BSDC1: variants seen among roughly 807,000 people sequenced by gnomAD.
The protein encoded by BSDC1 is BSD domain containing 1, also known as BSD domain-containing protein 1.
BSDC1 carries 29 observed loss-of-function variants against 56.0 expected under a neutral mutation model. The observed-to-expected ratio is 0.52, with a 90% CI of 0.39 to 0.71. BSDC1 has a LOEUF of 0.71. Among genes scored for constraint, BSDC1 ranks in the 30% least tolerant of loss-of-function variants. The pLI, the probability that BSDC1 is intolerant of heterozygous loss-of-function variation, is 0.00. For synonymous variants in BSDC1, 210 were observed against 215.3 expected (o/e 0.98, Z 0.21); for missense variants, 477 against 548.5 (o/e 0.87, Z 1.30).
Position 32,378,758 on chromosome 1 carries a change from C to T in BSDC1, c.494G>A (p.Gly165Asp), listed in dbSNP as rs573589954. 6.5e-6 allele frequency: 10 copies of T among 1,543,058 alleles called. No individual in the cohort carries two copies. The South Asian group carries it at 8.5e-5, about 13-fold the overall frequency. The change falls in exon 6 of 11, where the codon GGC becomes GAC. Residue 165 changes from glycine (G) to aspartate (D), a missense_variant. By Grantham distance (94) the Gly-to-Asp change is moderately conservative. Transcript: ENST00000455895. The surrounding 1 kb of genome is among the most constrained non-coding windows in gnomAD (Gnocchi z 5.2). ...GTAGAGGGCCCGGATGGAGGGGCTG[C>T]CTACAAGGAGCTCTGAGATCTCCCC... ...KKGEISELLV[G>D]SPSIRALYTK...
chr1:32,389,797 C>T (rs1642802946), intron 2 of BSDC1, among the ~76,000 whole-genome samples: 1 of 151,738 alleles, frequency 6.6e-6, no homozygotes, highest in African/African-American at 2.4e-5. Flanking sequence ...CACACACACA[C>T]ACACACACAC....
At position 32,366,522 on chromosome 1, in the gene BSDC1, G is replaced by A. The variant is rs1480221810; in HGVS notation, c.*100C>T. 4.3e-6 allele frequency: 5 copies of A among 1,166,090 alleles called. No individual in the cohort carries two copies. The highest frequency in any genetic ancestry group is 6.3e-6 in the Non-Finnish European group (5 of 794,954). 72.2% of individuals were successfully genotyped at this position (1,166,090 alleles called of 1,614,324 possible). On this transcript the variant is annotated 3_prime_UTR_variant, in exon 11 of 11. Transcript: ENST00000455895. ...TGTGCCCAGAGCTCTGGTTGGCAGA[G>A]GAGATTTGGGGGAACATTCTCAGTC...
chr1:32,391,777 G>C (rs1642873406), intron 2 of BSDC1, among the ~76,000 whole-genome samples: 1 of 152,082 alleles, frequency 6.6e-6, no homozygotes, highest in South Asian at 2.1e-4. Flanking sequence ...GAGCCAGAAT[G>C]GGACATACAG....
At chr1:32,368,332 G>A (rs1641927564) in intron 10 of BSDC1, 115 bp downstream of exon 10, 2 of 1,612,976 alleles carry the variant, frequency 1.2e-6, no homozygotes, top group Non-Finnish European at 1.7e-6. Context: ...CCCACCACCT[G>A]TCACCTCAGA....
intron 2 of BSDC1, among the ~76,000 whole-genome samples, chr1:32,391,568 T>C (rs1184025102): frequency 2.0e-5 from 3 of 152,242 alleles, no homozygotes; most frequent in East Asian, 1.9e-4. Flanking sequence ...CTGGTAAGTA[T>C]GTAGAGCAAT....
Position 32,370,803 on chromosome 1 carries a change from C to CAA in BSDC1, c.1157-2255_1157-2254dup, listed in dbSNP as rs58351365. Reference sequence around the variant, plus strand: ...TGGGTGACAGAGTGAGACTCCGTCTCAAAAAAAAAAAAAAAAAAAAAAAAA... The same window carrying CAA: ...TGGGTGACAGAGTGAGACTCCGTCTCAAAAAAAAAAAAAAAAAAAAAAAAAAA... On this transcript the variant is annotated intron_variant, in intron 9 of 10. Coordinates refer to ENST00000455895, the MANE Select transcript of BSDC1 (RefSeq NM_018045.8). Among the ~76,000 whole-genome samples, 100 of 50,090 alleles carry CAA rather than the reference C, an allele frequency of 2.0e-3. 1 individual carries two copies. Among genetic ancestry groups the CAA allele is most frequent in the East Asian group, 2.7e-3 (5 of 1,828 alleles). 32.9% of individuals were successfully genotyped at this position (50,090 alleles called of 152,430 possible).
intron 9 of BSDC1, 59 bp from the exon 10 acceptor site, chr1:32,368,609 A>G (rs1481248171): frequency 6.2e-7 from 1 of 1,608,078 alleles, no homozygotes; most frequent in East Asian, 2.2e-5. Flanking sequence ...GCACCTGAAG[A>G]GGGTGTAGCT....
intron 9 of BSDC1, among the ~76,000 whole-genome samples, chr1:32,375,987 G>T (rs370128834): frequency 2.0e-5 from 3 of 152,150 alleles, no homozygotes; most frequent in African/African-American, 7.2e-5. Context: ...GAGAAATTAG[G>T]TGCCATATAA....
chr1:32,366,597 G>C lies in BSDC1; in HGVS notation c.*25C>G, dbSNP rs779393348. 3 of 1,513,530 alleles carry C rather than the reference G, an allele frequency of 2.0e-6. No individual in the cohort carries two copies. The highest frequency in any genetic ancestry group is 2.5e-5 in the East Asian group (1 of 40,452). The allele number at this position is 1,513,530 out of a possible 1,614,324, so 93.8% of individuals were successfully genotyped here. ...GAGGGAGGCGAGAGATGCCATGGGT[G>C]GGGGAGCTGCTCCCTCTGGCTCCCT... On this transcript the variant is annotated 3_prime_UTR_variant, in exon 11 of 11. Coordinates refer to ENST00000455895, the MANE Select transcript of BSDC1 (RefSeq NM_018045.8).
chr1:32,384,948 T>C (rs1302884373), intron 3 of BSDC1, among the ~76,000 whole-genome samples: 1 of 152,228 alleles, frequency 6.6e-6, no homozygotes, highest in Non-Finnish European at 1.5e-5. Flanking sequence ...CAACTTGTCA[T>C]TCATGCTCAT....
At chr1:32,387,472 G>T (rs1364205459) in intron 2 of BSDC1, among the ~76,000 whole-genome samples, 2 of 152,102 alleles carry the variant, frequency 1.3e-5, no homozygotes, top group Non-Finnish European at 2.9e-5. Context: ...CTCCCGAGTA[G>T]CTGGGATTAC....
chr1:32,368,278 GAT>G (rs1362947315), intron 10 of BSDC1, 167 bp downstream of exon 10: 27 of 1,554,694 alleles, frequency 1.7e-5, no homozygotes, highest in Non-Finnish European at 2.1e-5. Context: ...GCAGCCTGCT[GAT>G]GACCAATGTT....
chr1:32,387,657 T>C (rs1642721297), intron 2 of BSDC1, among the ~76,000 whole-genome samples: 1 of 152,194 alleles, frequency 6.6e-6, no homozygotes, highest in African/African-American at 2.4e-5. Context: ...ATTTTTTTTA[T>C]CAAAGGAAAG....
At chr1:32,390,356 G>C (rs1390873462) in intron 2 of BSDC1, among the ~76,000 whole-genome samples, 1 of 152,190 alleles carries the variant, frequency 6.6e-6, no homozygotes, top group Non-Finnish European at 1.5e-5. Flanking sequence ...GAGAGGATGA[G>C]ACTGGTTCAA....
In BSDC1 at chr1:32,377,987, C is replaced by T. The variant is rs774279370; in HGVS notation, c.659G>A (p.Gly220Asp). ...CCTCTTACCTTCCTCCTCCTCCCAG[C>T]CGGGCTCTTCAGAGATGCTCTGTTC... ...RAEQSISEEP[G>D]WEEEEEELMG... Residue 220 changes from glycine to aspartate, a missense_variant, in exon 8 of 11, where the codon GGC becomes GAC. Physicochemically the swap from Gly to Asp is moderately conservative, Grantham distance 94. Transcript: ENST00000455895. 2.5e-6 allele frequency: 4 copies of T among 1,613,244 alleles called. No individual in the cohort carries two copies. In the East Asian group the frequency reaches 6.7e-5, roughly 27 times the overall value.
chr1:32,373,011 G>T (rs1336108675), intron 9 of BSDC1, among the ~76,000 whole-genome samples: 1 of 152,178 alleles, frequency 6.6e-6, no homozygotes, highest in Non-Finnish European at 1.5e-5. Flanking sequence ...GCGATGACAG[G>T]GATCACCCTG....
chr1:32,386,474 C>T (rs1356069971), intron 3 of BSDC1: 2 of 292,192 alleles, frequency 6.8e-6, no homozygotes. Flanking sequence ...CTTTCTCTCT[C>T]TCTCTTCCTT....
chr1:32,392,039 C>G (rs777306288), intron 2 of BSDC1, among the ~76,000 whole-genome samples: 34 of 152,156 alleles, frequency 2.2e-4, no homozygotes, highest in Non-Finnish European at 4.4e-4. Flanking sequence ...AGGTTAAAAA[C>G]TTGCCCAAGA....
chr1:32,369,265 A>G, intron 9 of BSDC1: 1 of 1,289,738 alleles, frequency 7.8e-7, no homozygotes, highest in Non-Finnish European at 1.0e-6. Context: ...GCGGAGAAGC[A>G]CTTTGGCCCA....
Sources: allele counts gnomAD v4.1 joint callset (sites outside exome capture counted in the v4.1 genomes callset), GRCh38; gene constraint gnomAD v4.1.1; non-coding constraint Gnocchi (gnomAD v3.1); transcripts MANE v1.5; gene names NCBI Gene and HGNC (gene_info 2026-07-23, HGNC 2026-07-21).